TNIP3: variants seen among roughly 807,000 people sequenced by gnomAD.
TNIP3 encodes the protein TNFAIP3 interacting protein 3.
A neutral mutation model predicts 54.1 loss-of-function variants in TNIP3; 34 were observed. That is an observed-to-expected ratio of 0.63 (90% CI 0.48 to 0.84). The LOEUF is 0.84. TNIP3 is among the 40% of genes least tolerant of loss of function. TNIP3 has a pLI of 0.00. For synonymous variants in TNIP3, 134 were observed against 136.8 expected (o/e 0.98, Z 0.14); for missense variants, 366 against 387.6 (o/e 0.94, Z 0.47).
chr4:121,170,098 T>A (rs1292702916), intron 3 of TNIP3, among the ~76,000 whole-genome samples: 1 of 152,154 alleles, frequency 6.6e-6, no homozygotes, highest in East Asian at 1.9e-4. Context: ...TCTTCCAGAG[T>A]GGAGTTAGCT....
chr4:121,180,992 G>C (rs1724661244), intron 3 of TNIP3, among the ~76,000 whole-genome samples: 1 of 152,196 alleles, frequency 6.6e-6, no homozygotes. Flanking sequence ...CTGGAAGTGT[G>C]AAGTGCAGGA....
chr4:121,174,407 A>AAAT (rs959975917), intron 3 of TNIP3, among the ~76,000 whole-genome samples: 8 of 151,966 alleles, frequency 5.3e-5, no homozygotes, highest in Admixed American at 3.3e-4. Flanking sequence ...CCTGTCTCTA[A>AAAT]AATAATAATA....
upstream of TNIP3, among the ~76,000 whole-genome samples, chr4:121,221,388 C>A (rs1727018154): frequency 6.6e-6 from 1 of 152,062 alleles, no homozygotes; most frequent in Admixed American, 6.5e-5. Flanking sequence ...AACAGTAAAG[C>A]AGATCACGTG....
At chr4:121,145,196 T>C (rs1729357637) in intron 7 of TNIP3, among the ~76,000 whole-genome samples, 1 of 152,218 alleles carries the variant, frequency 6.6e-6, no homozygotes, top group African/African-American at 2.4e-5. Context: ...TTTTAAAATA[T>C]CATAGCATTT....
At chr4:121,140,781 G>A (rs781781025) in intron 9 of TNIP3, among the ~76,000 whole-genome samples, 1 of 152,100 alleles carries the variant, frequency 6.6e-6, no homozygotes, top group Non-Finnish European at 1.5e-5. Flanking sequence ...AAAGGAAAAG[G>A]GGGAGGGAGA....
intron 3 of TNIP3, 138 bp from the exon 4 acceptor site, chr4:121,157,381 G>A (rs1388000964): frequency 9.4e-6 from 10 of 1,059,114 alleles, no homozygotes; most frequent in African/African-American, 3.2e-5. Flanking sequence ...AGCTCCCACC[G>A]TCCCGAACAC....
In TNIP3 at chr4:121,145,113, G is replaced by T. The variant is rs533458632; in HGVS notation, c.735+1936C>A. On this transcript the variant is annotated intron_variant, in intron 7 of 10. Transcript: ENST00000057513. The stretch of plus-strand genomic sequence containing the variant: ...GCAACTCAGAATGCCAGAATGATTT[G>T]ACCTAAATATTCCTCTAAAAGTCCA... Among the ~76,000 whole-genome samples, 27 of 152,266 alleles carry T rather than the reference G, an allele frequency of 1.8e-4. 1 individual carries two copies. The South Asian group carries it at 5.4e-3, about 30-fold the overall frequency.
chr4:121,206,446 T>G (rs1377769975), intron 2 of TNIP3, among the ~76,000 whole-genome samples: 6 of 152,216 alleles, frequency 3.9e-5, no homozygotes, highest in Non-Finnish European at 7.3e-5. Flanking sequence ...AAATTATTCA[T>G]TATGCTCACA....
chr4:121,225,667 TAA>T (rs1453467203), intron 1 of TNIP3, among the ~76,000 whole-genome samples: 1 of 152,220 alleles, frequency 6.6e-6, no homozygotes, highest in Non-Finnish European at 1.5e-5. Flanking sequence ...GAGCAATTTT[TAA>T]AAGTTAACAA....
At chr4:121,163,322 C>A (rs1033619901) in intron 1 of TNIP3, among the ~76,000 whole-genome samples, 3 of 152,182 alleles carry the variant, frequency 2.0e-5, no homozygotes, top group East Asian at 1.9e-4. Context: ...GTTTGGGGGA[C>A]CTTTTCAATT....
chr4:121,206,808 G>C (rs537016408), intron 2 of TNIP3, among the ~76,000 whole-genome samples: 97 of 152,172 alleles, frequency 6.4e-4, no homozygotes, highest in African/African-American at 2.2e-3. Context: ...GGACTCAAGG[G>C]ATCCACTTGC....
Position 121,224,125 on chromosome 4 carries a change from G to A in TNIP3, c.3+3260C>T, listed in dbSNP as rs1238773991. ...AAGTTGAGATGCCAGCACTTTGGGA[G>A]GCCAAGGCAGGAAGATCACCTGAGG... On this transcript the variant is annotated intron_variant, in intron 1 of 12. Coordinates refer to the TNIP3 transcript ENST00000509841. Among the ~76,000 whole-genome samples, 3 of 152,264 alleles carry A rather than the reference G, an allele frequency of 2.0e-5. No individual in the cohort carries two copies. In the East Asian group the frequency reaches 5.8e-4, roughly 29 times the overall value.
intron 10 of TNIP3, chr4:121,137,869 T>C (rs1202577362): frequency 4.4e-6 from 2 of 449,568 alleles, no homozygotes; most frequent in Non-Finnish European, 8.9e-6. Context: ...TATGAGACTT[T>C]AAACATGTAG....
At chr4:121,183,472 T>C (rs1227718582) in intron 2 of TNIP3, among the ~76,000 whole-genome samples, 2 of 152,230 alleles carry the variant, frequency 1.3e-5, no homozygotes, top group Admixed American at 1.3e-4. Flanking sequence ...CAGAGCTTCC[T>C]ACTCAAATCA....
intron 3 of TNIP3, among the ~76,000 whole-genome samples, chr4:121,176,759 T>C (rs1219907281): frequency 6.6e-6 from 1 of 151,922 alleles, no homozygotes; most frequent in African/African-American, 2.4e-5. Context: ...CAATTTACGG[T>C]AGTTTGCAAG....
intron 7 of TNIP3, among the ~76,000 whole-genome samples, chr4:121,144,725 A>G (rs1386949439): frequency 6.6e-6 from 1 of 152,174 alleles, no homozygotes; most frequent in Non-Finnish European, 1.5e-5. Context: ...TTCACTTAAT[A>G]TTGAGAACAA....
intron 2 of TNIP3, among the ~76,000 whole-genome samples, chr4:121,194,966 G>A (rs759498441): frequency 2.0e-5 from 3 of 152,028 alleles, no homozygotes; most frequent in African/African-American, 7.3e-5. Context: ...TCAGGAGTTC[G>A]AGACCAGCCT....
rs1730150748 is a variant in TNIP3 at position 121,157,094 on chromosome 4, C to T, written c.363G>A (p.Glu121=). 2 of 1,613,930 alleles carry T rather than the reference C, an allele frequency of 1.2e-6. No homozygotes were observed. The highest frequency in any genetic ancestry group is 1.7e-6 in the Non-Finnish European group (2 of 1,179,924). Residue 121 remains glutamate, a splice_region_variant and synonymous_variant, in exon 4 of 11, where the codon GAG becomes GAA. Transcript: ENST00000057513. ...GCTCGAGGACCCGGGCCCCGCCCAC[C>T]TCCTCCCGCTGCAGCCGGTCCCGGG... ...DLTRDRLQRE[E]KEKERLNEEL...
chr4:121,221,725 C>T (rs1727032064), intron 1 of TNIP3, among the ~76,000 whole-genome samples: 1 of 151,898 alleles, frequency 6.6e-6, no homozygotes, highest in Non-Finnish European at 1.5e-5. Flanking sequence ...TTTGGCTAAA[C>T]CAAAAGAAAG....
Sources: gnomAD v4.1 joint callset for allele counts (sites outside exome capture counted in the v4.1 genomes callset) on GRCh38, gnomAD v4.1.1 for gene constraint, MANE v1.5 for transcripts, NCBI Gene and HGNC (gene_info 2026-07-23, HGNC 2026-07-21) for gene names.